Variants in HNRNPH1 observed in about 807,000 individuals in gnomAD.
HNRNPH1 encodes the protein heterogeneous nuclear ribonucleoprotein H.
Under a neutral mutation model 58.6 loss-of-function variants are expected in HNRNPH1, and 4 were observed. The observed-to-expected ratio is 0.07, with a 90% CI of 0.03 to 0.16. HNRNPH1 has a LOEUF of 0.16. Ranked by LOEUF, HNRNPH1 falls within the 10% of genes least tolerant of loss-of-function variation. HNRNPH1 has a pLI of 1.00. For synonymous variants in HNRNPH1, 192 were observed against 189.2 expected, an observed-to-expected ratio of 1.01 and a Z score of -0.12; for missense variants, 271 against 564.2, an observed-to-expected ratio of 0.48 and a Z score of 5.26.
chr5:179,614,558 A>T, exon 13 of HNRNPH1: 1 of 219,604 alleles, frequency 4.6e-6, no homozygotes, highest in East Asian at 9.7e-5. Context: ...AACTGCTTTT[A>T]CCTAAATACG....
upstream of HNRNPH1, chr5:179,629,474 T>C (rs1039512102): frequency 4.2e-5 from 5 of 120,396 alleles, no homozygotes; most frequent in African/African-American, 6.5e-5. Context: ...TTTTGTATTT[T>C]TAGTAGAGAT....
chr5:179,615,326 G>A (rs568032744), intron 12 of HNRNPH1: 7 of 471,438 alleles, frequency 1.5e-5, no homozygotes, highest in Non-Finnish European at 2.7e-5. Context: ...TGTGTCCCTC[G>A]AATGGCATTT....
intron 2 of HNRNPH1, among the ~76,000 whole-genome samples, chr5:179,631,219 C>T (rs939048681): frequency 7.3e-5 from 11 of 151,362 alleles, no homozygotes; most frequent in African/African-American, 2.7e-4. Flanking sequence ...ATATACGTTA[C>T]GGTATATCTA....
At chr5:179,621,448 T>G (rs4535419) in intron 1 of HNRNPH1, 51 bp from the exon 3 acceptor site, 626,706 of 1,520,158 alleles carry the variant, frequency 0.41, 134,963 homozygotes, top group Non-Finnish European at 0.45. Flanking sequence ...AAACCACCTC[T>G]GGGTGACACA....
rs191523819 is a variant in HNRNPH1, at chr5:179,615,304, A to G, written c.*242T>C. ...GGCATTTTTAAAAAAAATTTAACATAAACATTCACAATGTGTCCCTCGAAT... is the reference window on the plus strand; with the variant it reads ...GGCATTTTTAAAAAAAATTTAACATGAACATTCACAATGTGTCCCTCGAAT... On this transcript the variant is annotated intron_variant, in intron 12 of 12. Coordinates refer to ENST00000356731, the Ensembl canonical transcript of HNRNPH1. 1,516 of 460,430 alleles carry G rather than the reference A, an allele frequency of 3.3e-3. 7 individuals are homozygous for G. The highest frequency in any genetic ancestry group is 5.1e-3 in the Non-Finnish European group (1,309 of 258,272). The allele number at this position is 460,430 out of a possible 1,614,324, so 28.5% of individuals were successfully genotyped here.
chr5:179,621,728 C>CGGCAACGAA, intron 1 of HNRNPH1: 1 of 388,072 alleles, frequency 2.6e-6, no homozygotes, highest in East Asian at 6.2e-5. Context: ...TGTGACTTTA[C>CGGCAACGAA]GGCAAACATA....
intron 4 of HNRNPH1, 194 bp from the exon 6 acceptor site, chr5:179,618,517 T>TTA: frequency 1.9e-5 from 8 of 431,780 alleles, no homozygotes; most frequent in African/African-American, 2.0e-5. Flanking sequence ...AATGTAAACT[T>TTA]TATAGAAAAA....
At chr5:179,617,638 C>T (rs773604775) in exon 8 of HNRNPH1, 8 of 1,612,502 alleles carry the variant, frequency 5.0e-6, no homozygotes, top group African/African-American at 4.0e-5. Flanking sequence ...CAGGGTTGAG[C>T]GGTGAAAAAA....
chr5:179,632,307 CAAA>C (rs368360110), intron 2 of HNRNPH1, among the ~76,000 whole-genome samples: 1 of 132,822 alleles, frequency 7.5e-6, no homozygotes. Flanking sequence ...GACTCCGTCT[CAAA>C]AAAAAAAAAA....
chr5:179,634,255 G>A (rs1404666521), intron 1 of HNRNPH1: 32 of 123,462 alleles, frequency 2.6e-4, no homozygotes, highest in African/African-American at 9.5e-4. Flanking sequence ...GAGGAGTGTT[G>A]GTGTTGCCTC....
upstream of HNRNPH1, among the ~76,000 whole-genome samples, chr5:179,627,303 A>G (rs1774484277): frequency 6.6e-6 from 1 of 151,462 alleles, no homozygotes; most frequent in South Asian, 2.1e-4. Flanking sequence ...GCCATCCTCC[A>G]AGCTCAGCCT....
chr5:179,632,751 A>ATTTTTT (rs1774949107), intron 2 of HNRNPH1, among the ~76,000 whole-genome samples: 1 of 50,884 alleles, frequency 2.0e-5, no homozygotes. Flanking sequence ...CAAATCAAAT[A>ATTTTTT]TCTTTTTTTT....
chr5:179,630,897 C>CA (rs565765037), intron 2 of HNRNPH1, among the ~76,000 whole-genome samples: 900 of 70,242 alleles, frequency 0.013, 7 homozygotes, highest in Middle Eastern at 0.031. Flanking sequence ...GGCGACATCT[C>CA]AAAAAAAAAA....
intron 5 of HNRNPH1, 29 bp from the exon 7 acceptor site, chr5:179,618,089 A>T (rs1490625574): frequency 4.1e-5 from 66 of 1,613,544 alleles, no homozygotes; most frequent in East Asian, 6.7e-5. Context: ...TCAATCAAAT[A>T]AAACACCTAG....
At chr5:179,626,716 TAA>T (rs568513306), upstream of HNRNPH1, among the ~76,000 whole-genome samples, 20 of 135,588 alleles carry the variant, frequency 1.5e-4, no homozygotes, top group Non-Finnish European at 1.4e-4. Context: ...ACTCTGTCTT[TAA>T]AAAAAAAAAA....
chr5:179,614,760 CTGTT>C (rs1176683210), exon 13 of HNRNPH1: 1 of 696,584 alleles, frequency 1.4e-6, no homozygotes, highest in Non-Finnish European at 2.3e-6. Context: ...ATTGCAGAAA[CTGTT>C]AAACTGAAGT....
intron 1 of HNRNPH1, among the ~76,000 whole-genome samples, chr5:179,622,477 G>A (rs1290251148): frequency 2.0e-5 from 3 of 152,174 alleles, no homozygotes; most frequent in Non-Finnish European, 4.4e-5. Flanking sequence ...TTGGGAAACC[G>A]AGGTGGGCGG....
intron 2 of HNRNPH1, among the ~76,000 whole-genome samples, chr5:179,632,578 TGAG>T (rs200536391): frequency 0.022 from 3,279 of 152,258 alleles, 46 homozygotes; most frequent in Middle Eastern, 0.054. Flanking sequence ...AGCCGTCCGC[TGAG>T]GAGAAGGGTC....
rs569126367 is a variant in HNRNPH1, at chr5:179,615,109, G to A, written c.*1-150C>T. On this transcript the variant is annotated intron_variant, in intron 12 of 12. Coordinates refer to ENST00000356731, the Ensembl canonical transcript of HNRNPH1. ...CGCATGTTTGGGAAAGGGGAATCCCGACTCCAAACAAGCCTCAATTAACCC... is the reference window on the plus strand; with the variant it reads ...CGCATGTTTGGGAAAGGGGAATCCCAACTCCAAACAAGCCTCAATTAACCC... 1.6e-4 allele frequency: 99 copies of A among 614,382 alleles called. 3 individuals are homozygous for A. The highest frequency in any genetic ancestry group is 1.4e-3 in the South Asian group (72 of 52,668). The allele number at this position is 614,382 out of a possible 1,614,324, so 38.1% of individuals were successfully genotyped here.
Sources: allele counts gnomAD v4.1 joint callset (sites outside exome capture counted in the v4.1 genomes callset), GRCh38; gene constraint gnomAD v4.1.1; transcripts MANE v1.5; gene names NCBI Gene and HGNC (gene_info 2026-07-23, HGNC 2026-07-21).